Variants in ANK2 observed in about 807,000 individuals in gnomAD.
The protein encoded by ANK2 is ankyrin-2.
A neutral mutation model predicts 360.5 loss-of-function variants in ANK2; 83 were observed. That is an observed-to-expected ratio of 0.23 (90% CI 0.19 to 0.28). The LOEUF is 0.28. Ranked by LOEUF, ANK2 falls within the 10% of genes least tolerant of loss-of-function variation. ANK2 has a pLI of 1.00. For synonymous variants in ANK2, 1,740 were observed against 1,759.5 expected (o/e 0.99, Z 0.28); for missense variants, 4,201 against 4,795.7 (o/e 0.88, Z 3.66).
chr4:112,951,128 T>C (rs2094956736), intron 2 of ANK2, among the ~76,000 whole-genome samples: 2 of 149,888 alleles, frequency 1.3e-5, no homozygotes, highest in Admixed American at 6.6e-5. Flanking sequence ...TTGACAGTAA[T>C]TTAATGCTTG....
chr4:112,769,838 C>T, the ANK2 span, among the ~76,000 whole-genome samples: 17 of 152,150 alleles, frequency 1.1e-4, no homozygotes, highest in Non-Finnish European at 1.5e-5. Context: ...CTGCCTACTG[C>T]CTGATTGAGC....
At chr4:112,919,661 G>A (rs908738909) in intron 2 of ANK2, among the ~76,000 whole-genome samples, 3 of 152,096 alleles carry the variant, frequency 2.0e-5, no homozygotes, top group Non-Finnish European at 2.9e-5. Flanking sequence ...CAGAAAATTC[G>A]TAAACCAGCA....
chr4:113,290,544 T>C lies in ANK2; in HGVS notation c.2278-1872T>C, dbSNP rs181404230. Reference sequence around the variant, plus strand: ...GACGAACCAGACCTGGTTAATCATATATTTAATTTGTGAAGAGGGTTTAGA... The same window carrying C: ...GACGAACCAGACCTGGTTAATCATACATTTAATTTGTGAAGAGGGTTTAGA... On this transcript the variant is annotated intron_variant, in intron 20 of 45. Coordinates refer to ENST00000357077, the MANE Select transcript of ANK2 (RefSeq NM_001148.6). Among the ~76,000 whole-genome samples the C allele has an allele frequency of 3.9e-5, 6 of 152,330 alleles. 1 individual carries two copies. In the East Asian group the frequency reaches 1.2e-3, roughly 29 times the overall value.
At chr4:113,017,204 A>G (rs965744984) in intron 2 of ANK2, among the ~76,000 whole-genome samples, 4 of 152,190 alleles carry the variant, frequency 2.6e-5, no homozygotes, top group Non-Finnish European at 5.9e-5. Context: ...ATAGAGTTAC[A>G]TATGAAAATT....
intron 45 of ANK2, chr4:113,374,623 A>G (rs939697698): frequency 8.7e-5 from 32 of 366,814 alleles, no homozygotes; most frequent in African/African-American, 6.9e-4. Flanking sequence ...GTTTTTTTCT[A>G]ACTCTGCTTC....
the ANK2 span, among the ~76,000 whole-genome samples, chr4:112,737,360 A>G: frequency 6.6e-6 from 1 of 152,248 alleles, no homozygotes; most frequent in African/African-American, 2.4e-5. Context: ...AAATCTTTGC[A>G]TATACATGCA....
At chr4:112,912,103 G>C (rs753830827) in intron 2 of ANK2, among the ~76,000 whole-genome samples, 20 of 152,028 alleles carry the variant, frequency 1.3e-4, no homozygotes, top group African/African-American at 4.8e-4. Flanking sequence ...TGTGGACCCC[G>C]GAGGTGGAGT....
intron 1 of ANK2, among the ~76,000 whole-genome samples, chr4:113,102,349 G>GA (rs1195351676): frequency 6.6e-6 from 1 of 152,010 alleles, no homozygotes; most frequent in Non-Finnish European, 1.5e-5. Context: ...CATTTCGGGG[G>GA]AAAAAATCCA....
intron 1 of ANK2, among the ~76,000 whole-genome samples, chr4:112,818,589 T>C (rs1440262128): frequency 6.6e-6 from 1 of 152,168 alleles, no homozygotes; most frequent in Non-Finnish European, 1.5e-5. Flanking sequence ...TGGTGTTCCC[T>C]GTATGATAAG....
At chr4:113,074,320 A>G (rs2079018610) in intron 1 of ANK2, among the ~76,000 whole-genome samples, 3 of 152,190 alleles carry the variant, frequency 2.0e-5, no homozygotes, top group African/African-American at 7.2e-5. Context: ...GCAATTCTCA[A>G]CTGTGGCTCC....
intron 2 of ANK2, among the ~76,000 whole-genome samples, chr4:113,196,043 T>A (rs992010115): frequency 6.6e-6 from 1 of 152,224 alleles, no homozygotes; most frequent in Non-Finnish European, 1.5e-5. Flanking sequence ...TACAGAATTT[T>A]ATTTTGTGCC....
chr4:113,024,491 GTTT>G (rs1214098103), intron 2 of ANK2, among the ~76,000 whole-genome samples: 8 of 152,072 alleles, frequency 5.3e-5, no homozygotes, highest in Non-Finnish European at 1.2e-4. Flanking sequence ...ACACTATTTT[GTTT>G]TTTAATCTAG....
intron 2 of ANK2, among the ~76,000 whole-genome samples, chr4:112,990,485 G>C (rs374453842): frequency 2.0e-5 from 3 of 151,506 alleles, no homozygotes; most frequent in South Asian, 4.2e-4. Context: ...TTTGTCAGAG[G>C]GTTTTTTTTT....
At chr4:113,041,165 C>T (rs1215687557) in intron 2 of ANK2, among the ~76,000 whole-genome samples, 2 of 152,082 alleles carry the variant, frequency 1.3e-5, no homozygotes, top group Non-Finnish European at 2.9e-5. Flanking sequence ...ATGCTCTTTA[C>T]AAAAACTTCA....
chr4:112,849,687 T>G (rs146720949), intron 1 of ANK2, among the ~76,000 whole-genome samples: 17 of 152,324 alleles, frequency 1.1e-4, no homozygotes, highest in Admixed American at 5.9e-4. Context: ...TATCTTTAAT[T>G]TACCTTTCCA....
intron 1 of ANK2, among the ~76,000 whole-genome samples, chr4:112,881,351 G>A (rs1388623200): frequency 6.6e-6 from 1 of 152,184 alleles, no homozygotes; most frequent in Non-Finnish European, 1.5e-5. Flanking sequence ...CTGGGAGATC[G>A]CTTGAGCCCA....
chr4:113,307,162 A>G (rs182838014), intron 23 of ANK2, among the ~76,000 whole-genome samples: 1 of 152,290 alleles, frequency 6.6e-6, no homozygotes. Flanking sequence ...GGAATGATGT[A>G]TACTAGTAAT....
rs138113206 is a variant in ANK2 at position 113,354,075 on chromosome 4, G to T, written c.5457G>T (p.Ala1819=). Residue 1819 remains alanine, a synonymous_variant, in exon 38 of 46, where the codon GCG becomes GCT. Transcript: ENST00000357077. The part of the protein sequence containing the change: ...ASPSLKSERH[A]PGSPSPKTER... ...CCTCTCTGAAGTCAGAGAGACATGC[G>T]CCAGGGTCTCCCTCCCCTAAAACAG... The T allele has an allele frequency of 6.2e-7, 1 of 1,613,988 alleles. No individual in the cohort carries two copies. The highest frequency in any genetic ancestry group is 8.5e-7 in the Non-Finnish European group (1 of 1,179,970).
At chr4:113,223,533 G>A (rs866570621) in intron 4 of ANK2, among the ~76,000 whole-genome samples, 37 of 152,242 alleles carry the variant, frequency 2.4e-4, no homozygotes, top group African/African-American at 8.4e-4. Flanking sequence ...TAAAGATTTA[G>A]AGCTGTAGAT....
Sources: gnomAD v4.1 joint callset for allele counts (sites outside exome capture counted in the v4.1 genomes callset) on GRCh38, gnomAD v4.1.1 for gene constraint, MANE v1.5 for transcripts, NCBI Gene and HGNC (gene_info 2026-07-23, HGNC 2026-07-21) for gene names.